The following SOX6 variants were observed in gnomAD, a reference collection of about 807,000 sequenced individuals.
The protein encoded by SOX6 is transcription factor SOX-6.
A neutral mutation model predicts 97.8 loss-of-function variants in SOX6; 11 were observed. The observed-to-expected ratio is 0.11, with a 90% CI of 0.07 to 0.19. The LOEUF is 0.19. SOX6 is among the 10% of genes least tolerant of loss of function. SOX6 has a pLI of 1.00. For synonymous variants in SOX6, 360 were observed against 371.4 expected, an observed-to-expected ratio of 0.97 and a Z score of 0.35; for missense variants, 810 against 1,039.5, an observed-to-expected ratio of 0.78 and a Z score of 3.04.
chr11:15,985,070 C>T (rs903441389), intron 15 of SOX6, among the ~76,000 whole-genome samples: 6 of 152,168 alleles, frequency 3.9e-5, no homozygotes, highest in African/African-American at 1.4e-4. Context: ...AAAGCCCACG[C>T]TCCTCCCGAA....
chr11:16,644,307 TG>T (rs1453687366), intron 3 of SOX6, among the ~76,000 whole-genome samples: 1 of 152,226 alleles, frequency 6.6e-6, no homozygotes, highest in African/African-American at 2.4e-5. Flanking sequence ...CTCAAAGTGC[TG>T]GGATTACATA....
intron 3 of SOX6, among the ~76,000 whole-genome samples, chr11:16,646,483 T>C (rs937951667): frequency 6.6e-6 from 1 of 151,936 alleles, no homozygotes; most frequent in East Asian, 1.9e-4. Context: ...TTTTTTTTTT[T>C]ATTTCCATAG....
At chr11:16,554,278 T>C (rs889560696) in intron 4 of SOX6, among the ~76,000 whole-genome samples, 1 of 152,132 alleles carries the variant, frequency 6.6e-6, no homozygotes, top group African/African-American at 2.4e-5. Flanking sequence ...TAGAAAATCA[T>C]ATTTCTGTTC....
intron 4 of SOX6, among the ~76,000 whole-genome samples, chr11:16,227,371 T>G (rs536459634): frequency 3.1e-4 from 47 of 152,294 alleles, no homozygotes; most frequent in African/African-American, 1.0e-3. Context: ...TTCATTTATT[T>G]TATTAATTCA....
chr11:16,144,471 C>T (rs1426888018), intron 6 of SOX6, among the ~76,000 whole-genome samples: 1 of 152,072 alleles, frequency 6.6e-6, no homozygotes, highest in Admixed American at 6.6e-5. Context: ...CATTCAAAAG[C>T]TAGCAGAAGG....
chr11:16,075,991 G>C (rs1848343487), intron 9 of SOX6, among the ~76,000 whole-genome samples: 1 of 152,032 alleles, frequency 6.6e-6, no homozygotes, highest in South Asian at 2.1e-4. Context: ...GACATGTGGG[G>C]ATTATGGGGG....
intron 6 of SOX6, among the ~76,000 whole-genome samples, chr11:16,125,902 A>G (rs1849599864): frequency 6.6e-6 from 1 of 150,594 alleles, no homozygotes; most frequent in African/African-American, 2.4e-5. Flanking sequence ...AAGTTATTTA[A>G]CTAATTGCCA....
intron 4 of SOX6, among the ~76,000 whole-genome samples, chr11:16,596,892 C>T (rs1292689895): frequency 6.6e-6 from 1 of 152,056 alleles, no homozygotes. Flanking sequence ...TATTCTTTTA[C>T]ATTGGTGTAC....
chr11:16,396,654 A>AT (rs1858367298), intron 1 of SOX6, among the ~76,000 whole-genome samples: 1 of 151,536 alleles, frequency 6.6e-6, no homozygotes, highest in Non-Finnish European at 1.5e-5. Flanking sequence ...ATGGCTTCTG[A>AT]TTACATAGAG....
In SOX6 at chr11:16,183,880, A is replaced by G; in HGVS notation, c.777+6T>C. 2 of 1,611,880 alleles carry G rather than the reference A, an allele frequency of 1.2e-6. No homozygotes were observed. Among genetic ancestry groups the G allele is most frequent in the Admixed American group, 3.3e-5 (2 of 59,922 alleles). ...TAATCAGACGAGAGTAATAAAATAC[A>G]CTGACCTGGATCTGTTGCTGCAGGA... On this transcript the variant is annotated splice_donor_region_variant and intron_variant, in intron 6 of 15. Transcript: ENST00000683767.
intron 4 of SOX6, among the ~76,000 whole-genome samples, chr11:16,191,571 C>T (rs929160013): frequency 6.6e-6 from 1 of 152,186 alleles, no homozygotes; most frequent in African/African-American, 2.4e-5. Context: ...CAGAGGTCAT[C>T]AGGAGCTACC....
chr11:15,993,295 A>T (rs1183107930), intron 13 of SOX6, among the ~76,000 whole-genome samples: 1 of 152,306 alleles, frequency 6.6e-6, no homozygotes, highest in Non-Finnish European at 1.5e-5. Flanking sequence ...TGCTCCATTC[A>T]TCATTAAGTG....
rs1007108844 is a variant in SOX6, at chr11:16,634,464, A to G, written n.430-22204T>C. Reference sequence around the variant, plus strand: ...AGAATATTTGATAAAATAATGGTCAAAAGATTCTCAAATTTGGTGAAAAAT... The same window carrying G: ...AGAATATTTGATAAAATAATGGTCAGAAGATTCTCAAATTTGGTGAAAAAT... On this transcript the variant is annotated intron_variant and non_coding_transcript_variant, in intron 3 of 5. Transcript: ENST00000524520. Among the ~76,000 whole-genome samples, 8 of 152,220 alleles carry G rather than the reference A, an allele frequency of 5.3e-5. No individual in the cohort carries two copies. In the East Asian group the frequency reaches 1.5e-3, roughly 29 times the overall value.
intron 4 of SOX6, among the ~76,000 whole-genome samples, chr11:16,500,897 T>C (rs972805552): frequency 2.6e-5 from 4 of 152,076 alleles, no homozygotes; most frequent in African/African-American, 7.2e-5. Context: ...AGGTAATTTA[T>C]AGATTCAATG....
rs1859660722 is a variant in SOX6 at position 16,448,796 on chromosome 11, C to A, written c.-5+27519G>T. 2.0e-5 allele frequency among the ~76,000 whole-genome samples: 3 copies of A among 152,106 alleles called. No individual in the cohort carries two copies. In the South Asian group the frequency reaches 6.2e-4, roughly 32 times the overall value. On this transcript the variant is annotated intron_variant, in intron 1 of 15. Transcript: ENST00000396356. ...CCTGTAATCCCTGCATTCTGGGAGA[C>A]CAAGGCAGGAGGATCCCTTGAACCC...
chr11:16,327,816 A>C (rs1357383262), intron 2 of SOX6, among the ~76,000 whole-genome samples: 1 of 152,140 alleles, frequency 6.6e-6, no homozygotes, highest in African/African-American at 2.4e-5. Context: ...ATTGAAACCC[A>C]CATACAGGTG....
At chr11:16,449,353 A>C (rs1331665277) in intron 1 of SOX6, among the ~76,000 whole-genome samples, 8 of 119,136 alleles carry the variant, frequency 6.7e-5, no homozygotes, top group Admixed American at 2.4e-4. Context: ...AGTGCAGTGG[A>C]GCCATCTCGG....
intron 9 of SOX6, among the ~76,000 whole-genome samples, chr11:16,071,780 C>A (rs1292848193): frequency 6.6e-6 from 1 of 152,106 alleles, no homozygotes; most frequent in Non-Finnish European, 1.5e-5. Flanking sequence ...GACCAGAACA[C>A]CTAACAAAAG....
At chr11:16,680,001 G>T (rs942675992) in intron 3 of SOX6, among the ~76,000 whole-genome samples, 7 of 152,220 alleles carry the variant, frequency 4.6e-5, no homozygotes, top group Middle Eastern at 3.2e-3. Flanking sequence ...AACTGAAAGT[G>T]ATGGGGAGAA....
Sources: allele counts gnomAD v4.1 joint callset (sites outside exome capture counted in the v4.1 genomes callset), GRCh38; gene constraint gnomAD v4.1.1; transcripts MANE v1.5; gene names NCBI Gene and HGNC (gene_info 2026-07-23, HGNC 2026-07-21).